The following TTC6 variants were observed in gnomAD, a reference collection of about 807,000 sequenced individuals.
TTC6 encodes tetratricopeptide repeat protein 6.
TTC6 carries 172 observed loss-of-function variants against 210.4 expected under a neutral mutation model. The observed-to-expected ratio is 0.82, with a 90% CI of 0.72 to 0.93. The LOEUF (loss-of-function observed/expected upper bound fraction) is 0.93, where lower values mean the gene tolerates loss of function less well. Ranked by LOEUF, TTC6 falls within the 40% of genes least tolerant of loss-of-function variation. TTC6 has a pLI of 0.00. For synonymous variants in TTC6, 804 were observed against 819.6 expected (o/e 0.98, Z 0.32); for missense variants, 2,414 against 2,318.1 (o/e 1.04, Z -0.85).
chr14:37,828,011 T>G (rs1434812799), intron 29 of TTC6: 1 of 152,136 alleles, frequency 6.6e-6, no homozygotes, highest in Admixed American at 6.6e-5. Context: ...CCACTTAGAC[T>G]TCCTTCAAGA....
chr14:37,767,833 T>C (rs964619843), intron 14 of TTC6, among the ~76,000 whole-genome samples: 31 of 149,662 alleles, frequency 2.1e-4, no homozygotes, highest in African/African-American at 7.3e-4. Flanking sequence ...TTTTGACTTT[T>C]GTTGCCATTG....
chr14:37,841,437 T>C lies in TTC6; in HGVS notation c.5299-8T>C. On this transcript the variant is annotated splice_region_variant and splice_polypyrimidine_tract_variant and intron_variant, in intron 29 of 30. Coordinates refer to ENST00000553443, the Ensembl canonical transcript of TTC6. ...ATTAAAATATATCATTATCTTCATA[T>C]TTTGTAGGCCAGTGACTACTTCTCA... The C allele has an allele frequency of 6.3e-7, 1 of 1,580,458 alleles. No homozygotes were observed. The highest frequency in any genetic ancestry group is 8.5e-7 in the Non-Finnish European group (1 of 1,169,974).
chr14:37,775,075 A>G (rs945463489), intron 14 of TTC6, among the ~76,000 whole-genome samples: 3 of 152,170 alleles, frequency 2.0e-5, no homozygotes, highest in African/African-American at 7.2e-5. Context: ...GTCAGTGATG[A>G]CACCCCTTTG....
At chr14:37,623,076 T>G in intron 1 of TTC6, 73 bp downstream of exon 3, 1 of 1,086,688 alleles carries the variant, frequency 9.2e-7, no homozygotes, top group Non-Finnish European at 1.3e-6. Flanking sequence ...TAAGAGTAGT[T>G]TATTATGGAT....
intron 5 of TTC6, among the ~76,000 whole-genome samples, chr14:37,710,508 G>A (rs891246086): frequency 1.3e-5 from 2 of 152,114 alleles, no homozygotes; most frequent in Non-Finnish European, 2.9e-5. Flanking sequence ...AGGTGGGCTT[G>A]TTTCCTTCAT....
intron 1 of TTC6, among the ~76,000 whole-genome samples, chr14:37,602,979 A>G (rs1017673077): frequency 6.6e-5 from 10 of 152,104 alleles, no homozygotes; most frequent in African/African-American, 2.4e-4. Context: ...CACCCCCGCC[A>G]AGAGAAGTAG....
chr14:37,658,372 C>T (rs945315969), intron 1 of TTC6, among the ~76,000 whole-genome samples: 20 of 152,130 alleles, frequency 1.3e-4, no homozygotes, highest in Admixed American at 1.3e-3. Context: ...AGGGTTTTCT[C>T]TTTGGAACAA....
intron 14 of TTC6, among the ~76,000 whole-genome samples, chr14:37,780,487 G>T (rs941198484): frequency 7.9e-5 from 12 of 152,072 alleles, no homozygotes; most frequent in African/African-American, 2.9e-4. Context: ...ATTTATAAGT[G>T]AGAACATGCA....
chr14:37,793,978 A>G (rs536109783), intron 17 of TTC6, among the ~76,000 whole-genome samples: 1 of 152,328 alleles, frequency 6.6e-6, no homozygotes, highest in East Asian at 1.9e-4. Context: ...ACCCTTGTGT[A>G]TGTATGTACA....
intron 1 of TTC6, among the ~76,000 whole-genome samples, chr14:37,599,489 T>A (rs575268712): frequency 6.6e-6 from 1 of 152,286 alleles, no homozygotes; most frequent in East Asian, 1.9e-4. Context: ...CTTATTTTAT[T>A]GAAGCAAACA....
At chr14:37,599,318 G>A (rs1594987931) in intron 1 of TTC6, among the ~76,000 whole-genome samples, 1 of 152,282 alleles carries the variant, frequency 6.6e-6, no homozygotes, top group Non-Finnish European at 1.5e-5. Flanking sequence ...TCACAACTCT[G>A]TAGTAGGTAG....
At chr14:37,641,997 A>G (rs1479104761) in intron 1 of TTC6, among the ~76,000 whole-genome samples, 1 of 152,242 alleles carries the variant, frequency 6.6e-6, no homozygotes, top group Non-Finnish European at 1.5e-5. Context: ...CAGATGTATT[A>G]CATACATGCA....
intron 7 of TTC6, 37 bp downstream of exon 9, chr14:37,725,039 T>A (rs889070087): frequency 8.9e-7 from 1 of 1,127,860 alleles, no homozygotes; most frequent in Non-Finnish European, 1.2e-6. Flanking sequence ...TTATTGTTGT[T>A]GTTATTATTT....
chr14:37,835,591 A>G (rs1355939799), intron 29 of TTC6, among the ~76,000 whole-genome samples: 1 of 152,124 alleles, frequency 6.6e-6, no homozygotes, highest in Non-Finnish European at 1.5e-5. Context: ...AATCCTATCT[A>G]TTGATTATAT....
chr14:37,676,925 A>G (rs918978127), intron 1 of TTC6, among the ~76,000 whole-genome samples: 3 of 152,036 alleles, frequency 2.0e-5, no homozygotes, highest in African/African-American at 7.2e-5. Flanking sequence ...CTAGATGTCT[A>G]TCCTTATGCT....
At chr14:37,607,985 A>C (rs980435193) in intron 2 of TTC6, among the ~76,000 whole-genome samples, 1 of 152,134 alleles carries the variant, frequency 6.6e-6, no homozygotes, top group Non-Finnish European at 1.5e-5. Flanking sequence ...ATTGCATAAC[A>C]TTGTTTTAAT....
chr14:37,769,551 A>T (rs1237624717), intron 14 of TTC6, among the ~76,000 whole-genome samples: 3 of 152,132 alleles, frequency 2.0e-5, no homozygotes, highest in African/African-American at 7.2e-5. Context: ...GTGTCGAGGC[A>T]TTTATCCATT....
At chr14:37,807,248 G>A in intron 22 of TTC6, 72 bp from the exon 25 acceptor site, 2 of 1,338,224 alleles carry the variant, frequency 1.5e-6, no homozygotes, top group Non-Finnish European at 9.9e-7. Flanking sequence ...GTTCCAAGTA[G>A]CATATATTTT....
At chr14:37,767,717 T>A (rs2096003733) in intron 14 of TTC6, among the ~76,000 whole-genome samples, 2 of 152,030 alleles carry the variant, frequency 1.3e-5, no homozygotes, top group Non-Finnish European at 2.9e-5. Flanking sequence ...GTCAGATGAG[T>A]AGGCTGCGAA....
Sources: gnomAD v4.1 joint callset for allele counts (sites outside exome capture counted in the v4.1 genomes callset) on GRCh38, gnomAD v4.1.1 for gene constraint, MANE v1.5 for transcripts, NCBI Gene and HGNC (gene_info 2026-07-23, HGNC 2026-07-21) for gene names.